MEF2A: variants seen among roughly 807,000 people sequenced by gnomAD.
The protein encoded by MEF2A is myocyte enhancer factor 2A.
In MEF2A, 28 loss-of-function variants were observed where a neutral mutation model predicts 55.8. The ratio of observed to expected loss-of-function variants is 0.50; its 90% confidence interval spans 0.37 to 0.69. MEF2A has a LOEUF of 0.69. Ranked by LOEUF, MEF2A falls within the 30% of genes least tolerant of loss-of-function variation. MEF2A has a pLI of 0.00. For synonymous variants in MEF2A, 239 were observed against 227.1 expected (o/e 1.05, Z -0.47); for missense variants, 528 against 626.2 (o/e 0.84, Z 1.67).
At chr15:99,710,078 A>G (rs1380923612) in intron 10 of MEF2A, among the ~76,000 whole-genome samples, 1 of 152,114 alleles carries the variant, frequency 6.6e-6, no homozygotes, top group Non-Finnish European at 1.5e-5. Flanking sequence ...ATTTAAAGTA[A>G]CAATTGTACA....
chr15:99,707,703 C>G (rs1202867962), intron 10 of MEF2A, among the ~76,000 whole-genome samples: 1 of 152,196 alleles, frequency 6.6e-6, no homozygotes, highest in Non-Finnish European at 1.5e-5. Flanking sequence ...TCAATTCTCC[C>G]TTGCCCATTA....
intron 4 of MEF2A, among the ~76,000 whole-genome samples, chr15:99,655,606 A>G (rs1242652929): frequency 6.6e-6 from 1 of 152,112 alleles, no homozygotes; most frequent in African/African-American, 2.4e-5. Flanking sequence ...ACTAAACTAA[A>G]TTATCTCACT....
chr15:99,595,063 T>G (rs1408839775), intron 1 of MEF2A, among the ~76,000 whole-genome samples: 2 of 152,218 alleles, frequency 1.3e-5, no homozygotes, highest in Non-Finnish European at 2.9e-5. Flanking sequence ...TGTGGTTATG[T>G]ATAGCAGTTA....
intron 1 of MEF2A, among the ~76,000 whole-genome samples, chr15:99,574,301 G>A (rs1434890361): frequency 6.6e-6 from 1 of 152,158 alleles, no homozygotes; most frequent in Non-Finnish European, 1.5e-5. Flanking sequence ...AGCCTTTTTG[G>A]CACCAGGGAC....
At chr15:99,648,870 G>A (rs148399157) in intron 4 of MEF2A, among the ~76,000 whole-genome samples, 7 of 152,198 alleles carry the variant, frequency 4.6e-5, no homozygotes, top group African/African-American at 1.7e-4. Flanking sequence ...TTAGGTCTGC[G>A]GAGTTAGATA....
At chr15:99,576,009 A>G (rs112908934) in intron 1 of MEF2A, among the ~76,000 whole-genome samples, 4 of 152,228 alleles carry the variant, frequency 2.6e-5, no homozygotes, top group African/African-American at 7.2e-5. Flanking sequence ...ATTCGGGACC[A>G]GTAAGATATT....
intron 3 of MEF2A, among the ~76,000 whole-genome samples, chr15:99,634,575 C>A (rs2043449996): frequency 6.6e-6 from 1 of 152,040 alleles, no homozygotes; most frequent in African/African-American, 2.4e-5. Context: ...ATTTTCGAGC[C>A]CTTATTATTC....
In MEF2A at chr15:99,640,810, A is replaced by G. The variant is rs112268350; in HGVS notation, c.55-4751A>G. On this transcript the variant is annotated intron_variant, in intron 3 of 11. Coordinates refer to ENST00000557942, the MANE Select transcript of MEF2A (RefSeq NM_001319206.4). ...GTGATCCTCCCACCTGGCCCTCCCAAAGTGCTGGGATTATAGTGTGAGCCA... is the reference window on the plus strand; with the variant it reads ...GTGATCCTCCCACCTGGCCCTCCCAGAGTGCTGGGATTATAGTGTGAGCCA... Among the ~76,000 whole-genome samples the G allele has an allele frequency of 2.0e-3, 305 of 151,568 alleles. 2 individuals carry two copies. The highest frequency in any genetic ancestry group is 7.2e-3 in the African/African-American group (296 of 41,296).
At chr15:99,699,978 G>T (rs1254141681) in intron 8 of MEF2A, among the ~76,000 whole-genome samples, 4 of 99,412 alleles carry the variant, frequency 4.0e-5, no homozygotes, top group African/African-American at 8.8e-5. Context: ...GTGTGTGTGT[G>T]TGTGTGTATA....
chr15:99,588,652 C>G (rs1275501434), intron 1 of MEF2A, among the ~76,000 whole-genome samples: 2 of 151,330 alleles, frequency 1.3e-5, no homozygotes, highest in Non-Finnish European at 2.9e-5. Flanking sequence ...CTATGTTGCC[C>G]AGGCTGTTCT....
At chr15:99,597,600 C>T (rs377314882) in intron 1 of MEF2A, among the ~76,000 whole-genome samples, 1 of 152,008 alleles carries the variant, frequency 6.6e-6, no homozygotes, top group East Asian at 1.9e-4. Context: ...TGTCTGTGAC[C>T]CACACCTATT....
At position 99,712,963 on chromosome 15, in the gene MEF2A, C is replaced by G. The variant is rs374107493; in HGVS notation, c.*192C>G. On this transcript the variant is annotated 3_prime_UTR_variant, in exon 12 of 12. Coordinates refer to ENST00000557942, the MANE Select transcript of MEF2A (RefSeq NM_001319206.4). This position sits in a 1 kb window ranked among gnomAD's most constrained non-coding sequence, Gnocchi z 4.1. ...TTACATACACAGAATCAGGCACTTA[C>G]CTGCAAACTCCTTGTAGGTCTGCAG... 3.1e-6 allele frequency: 2 copies of G among 651,060 alleles called. No homozygotes were observed. Among genetic ancestry groups the G allele is most frequent in the Non-Finnish European group, 5.1e-6 (2 of 390,444 alleles). The allele number at this position is 651,060 out of a possible 1,614,324, so 40.3% of individuals were successfully genotyped here. A position where few individuals can be genotyped will look rare whatever the true frequency, so the allele number is the denominator to read the frequency against.
Position 99,703,380 on chromosome 15 carries a change from G to T in MEF2A, c.877G>T (p.Glu293Ter). The T allele has an allele frequency of 6.2e-7, 1 of 1,609,666 alleles. No individual in the cohort carries two copies. The highest frequency in any genetic ancestry group is 8.5e-7 in the Non-Finnish European group (1 of 1,177,920). The change falls in exon 9 of 12, where the codon GAG becomes TAG. Residue 293 changes from glutamate (E) to a stop codon, truncating the protein, a stop_gained. Transcript: ENST00000557942. LOFTEE classifies it high-confidence loss of function. ...AGTACAGTCGGAGGAAGAGGAATTG[G>T]AGTTGGTGAGTGTGGGTTTCTGCTT... ...MPPLSEEEEL[E>*]LNTQRISSSQ...
At chr15:99,654,309 A>G (rs1361100977) in intron 4 of MEF2A, among the ~76,000 whole-genome samples, 3 of 152,066 alleles carry the variant, frequency 2.0e-5, no homozygotes, top group Non-Finnish European at 4.4e-5. Context: ...TATATTATCC[A>G]TTTATTTATT....
intron 9 of MEF2A, among the ~76,000 whole-genome samples, chr15:99,704,583 T>G (rs2057805777): frequency 6.6e-6 from 1 of 152,178 alleles, no homozygotes; most frequent in Admixed American, 6.5e-5. Flanking sequence ...AATCACTCAC[T>G]CTTGTAGAAC....
chr15:99,701,302 C>T (rs2153787670), intron 8 of MEF2A, among the ~76,000 whole-genome samples: 1 of 152,194 alleles, frequency 6.6e-6, no homozygotes, highest in South Asian at 2.1e-4. Context: ...AAATCCATGC[C>T]CTTCTATCTG....
rs1156365031 is a variant in MEF2A, at chr15:99,633,285, A to G, written c.54+112A>G. ...CTTAATTTTAAGTCTAAATATTTTTAGTTACAGACTAAATGAAAAATTCTA... is the reference window on the plus strand; with the variant it reads ...CTTAATTTTAAGTCTAAATATTTTTGGTTACAGACTAAATGAAAAATTCTA... On this transcript the variant is annotated intron_variant, in intron 3 of 11. Transcript: ENST00000557942. 6.0e-6 allele frequency: 4 copies of G among 669,074 alleles called. No individual in the cohort carries two copies. In the African/African-American group the frequency reaches 7.7e-5, roughly 13 times the overall value. 41.4% of individuals were successfully genotyped at this position (669,074 alleles called of 1,614,324 possible).
rs561991525 is a variant in MEF2A, at chr15:99,648,173, T to C, written c.258+2409T>C. 1.2e-4 allele frequency among the ~76,000 whole-genome samples: 18 copies of C among 152,292 alleles called. No individual in the cohort carries two copies. The South Asian group carries it at 3.7e-3, about 32-fold the overall frequency. On this transcript the variant is annotated intron_variant, in intron 4 of 11. Coordinates refer to ENST00000557942, the MANE Select transcript of MEF2A (RefSeq NM_001319206.4). ...TTACAGTTGCCTCATTGAAGGATAT[T>C]TTTGGAATACCATTTTTTCCTTTTC...
Position 99,712,395 on chromosome 15 carries a change from G to T in MEF2A, c.1142G>T (p.Gly381Val). The change falls in exon 12 of 12, where the codon GGA (glycine) becomes GTA (valine). Residue 381 changes from glycine to valine, a missense_variant. Around this residue, in one of 2 missense-constraint regions of MEF2A, gnomAD observed 450 missense variants for 475.3 expected, o/e 0.95. Transcript: ENST00000557942. The surrounding 1 kb of genome is among the most constrained non-coding windows in gnomAD (Gnocchi z 4.1). ...GQAALSSLVA[G>V]GQLSQGSNLS... ...CTCTCTTTTTTTTCCTTCAGTGCTG[G>T]AGGGCAGTTATCTCAGGGTTCCAAT... is the stretch of plus-strand genomic sequence containing the variant. 6.5e-7 allele frequency: 1 copy of T among 1,534,396 alleles called. No individual in the cohort carries two copies. The highest frequency in any genetic ancestry group is 8.8e-7 in the Non-Finnish European group (1 of 1,134,398).
Sources: allele counts gnomAD v4.1 joint callset (sites outside exome capture counted in the v4.1 genomes callset), GRCh38; gene constraint gnomAD v4.1.1; regional missense constraint gnomAD v4.1.1; non-coding constraint Gnocchi (gnomAD v3.1); transcripts MANE v1.5; gene names NCBI Gene and HGNC (gene_info 2026-07-23, HGNC 2026-07-21).